The following FMN2 variants were observed in gnomAD, a reference collection of about 807,000 sequenced individuals.
The protein encoded by FMN2 is formin 2.
FMN2 carries 51 observed loss-of-function variants against 142.3 expected under a neutral mutation model. That is an observed-to-expected ratio of 0.36 (90% CI 0.29 to 0.45). FMN2 has a LOEUF of 0.45. Among genes scored for constraint, FMN2 ranks in the 20% least tolerant of loss-of-function variants. The pLI, the probability that FMN2 is intolerant of heterozygous loss-of-function variation, is 1.00. For missense variants in FMN2, 1,936 were observed against 2,122.8 expected (o/e 0.91, Z 1.73); for synonymous variants, 882 against 869.8 (o/e 1.01, Z -0.25).
chr1:240,209,396 G>A (rs769174483), intron 5 of FMN2, among the ~76,000 whole-genome samples: 13 of 151,328 alleles, frequency 8.6e-5, no homozygotes, highest in South Asian at 2.1e-4. Context: ...GACTACAGGC[G>A]CCCGCCACCA....
chr1:240,093,165 T>C lies in FMN2; in HGVS notation c.1056T>C (p.Asp352=). The change falls in exon 1 of 18, where the codon GAT becomes GAC. Residue 352 remains aspartate, a synonymous_variant. Transcript: ENST00000319653. ...ACACGGATGAGGAGGGTGAGGAGGATGCTTTTGAGGATGCGCCCCGGGGCT... is the reference window on the plus strand; with the variant it reads ...ACACGGATGAGGAGGGTGAGGAGGACGCTTTTGAGGATGCGCCCCGGGGCT... ...AGDTDEEGEE[D]AFEDAPRGSP... is the part of the protein sequence containing the mutation. 1 of 1,442,412 alleles carries C rather than the reference T, an allele frequency of 6.9e-7. No individual in the cohort carries two copies. The highest frequency in any genetic ancestry group is 9.1e-7 in the Non-Finnish European group (1 of 1,102,616). 89.4% of individuals were successfully genotyped at this position (1,442,412 alleles called of 1,614,324 possible).
At chr1:240,200,974 T>C (rs1293285095) in intron 4 of FMN2, among the ~76,000 whole-genome samples, 1 of 152,222 alleles carries the variant, frequency 6.6e-6, no homozygotes, top group East Asian at 1.9e-4. Context: ...ATTTGGAATT[T>C]TGTCCTCTTA....
At chr1:240,450,413 A>G (rs1347958347) in intron 16 of FMN2, among the ~76,000 whole-genome samples, 3 of 152,206 alleles carry the variant, frequency 2.0e-5, no homozygotes, top group African/African-American at 7.2e-5. Context: ...ATCTGTAATA[A>G]AACACCTAGG....
At chr1:240,378,176 G>T (rs1673108113) in intron 14 of FMN2, among the ~76,000 whole-genome samples, 2 of 151,076 alleles carry the variant, frequency 1.3e-5, no homozygotes, top group South Asian at 4.2e-4. Context: ...TTTAGACAGG[G>T]TTTCACTCTT....
At chr1:240,275,375 T>G (rs1285232856) in intron 7 of FMN2, among the ~76,000 whole-genome samples, 4 of 152,222 alleles carry the variant, frequency 2.6e-5, no homozygotes, top group Admixed American at 2.0e-4. Context: ...TTGCTGAGAA[T>G]GATGGTTTCC....
intron 15 of FMN2, among the ~76,000 whole-genome samples, chr1:240,406,840 A>C (rs1272610188): frequency 6.6e-6 from 1 of 152,194 alleles, no homozygotes; most frequent in Non-Finnish European, 1.5e-5. Flanking sequence ...ATGGAACATT[A>C]ACTTTTTGGG....
intron 8 of FMN2, among the ~76,000 whole-genome samples, chr1:240,318,907 G>A (rs549768296): frequency 2.6e-5 from 4 of 152,250 alleles, no homozygotes; most frequent in East Asian, 1.9e-4. Context: ...GGTGGGTGAC[G>A]AGTTTTCCAG....
intron 15 of FMN2, among the ~76,000 whole-genome samples, chr1:240,409,302 C>T (rs933739019): frequency 2.6e-5 from 4 of 152,040 alleles, no homozygotes; most frequent in African/African-American, 9.7e-5. Context: ...CCACCACGCC[C>T]AGTTAATTTT....
intron 2 of FMN2, among the ~76,000 whole-genome samples, chr1:240,157,274 CAATT>C (rs1244946823): frequency 2.0e-5 from 3 of 152,124 alleles, no homozygotes; most frequent in Non-Finnish European, 4.4e-5. Context: ...TAGTTGCTCA[CAATT>C]AATTACTCAA....
Position 240,443,688 on chromosome 1 carries a change from G to C in FMN2, c.5060+5478G>C, listed in dbSNP as rs1025279700. 3.3e-5 allele frequency among the ~76,000 whole-genome samples: 5 copies of C among 152,282 alleles called. No individual in the cohort carries two copies. The Middle Eastern group carries it at 0.014, about 414-fold the overall frequency. ...GAATTGCTTGAACCTGGGAGGCGTA[G>C]GGTGCAGTGAGCTGAGATCACGCCA... On this transcript the variant is annotated intron_variant, in intron 16 of 17. Transcript: ENST00000319653.
At chr1:240,454,496 C>G (rs896887571) in intron 16 of FMN2, among the ~76,000 whole-genome samples, 2 of 152,130 alleles carry the variant, frequency 1.3e-5, no homozygotes, top group African/African-American at 2.4e-5. Context: ...GAGCTGAGAT[C>G]GCACCACTGC....
chr1:240,413,748 C>T (rs1469379121), intron 15 of FMN2, among the ~76,000 whole-genome samples: 3 of 152,134 alleles, frequency 2.0e-5, no homozygotes, highest in Admixed American at 6.6e-5. Context: ...CCTGTAGATT[C>T]GGACTAGAAG....
At chr1:240,332,808 T>C (rs1374051795) in intron 11 of FMN2, among the ~76,000 whole-genome samples, 1 of 152,214 alleles carries the variant, frequency 6.6e-6, no homozygotes, top group Admixed American at 6.5e-5. Flanking sequence ...GACAGAGCTG[T>C]TACTTTGATC....
At chr1:240,353,522 T>A (rs961852472) in intron 13 of FMN2, among the ~76,000 whole-genome samples, 2 of 152,190 alleles carry the variant, frequency 1.3e-5, no homozygotes, top group African/African-American at 4.8e-5. Context: ...CAGGCACAAA[T>A]GGAAATAAGA....
intron 6 of FMN2, among the ~76,000 whole-genome samples, chr1:240,217,536 G>C (rs1666950783): frequency 6.6e-6 from 1 of 152,042 alleles, no homozygotes; most frequent in Non-Finnish European, 1.5e-5. Context: ...GCTTTTAATA[G>C]AATACATTCC....
chr1:240,454,563 A>G (rs1336077418), intron 16 of FMN2, among the ~76,000 whole-genome samples: 1 of 152,154 alleles, frequency 6.6e-6, no homozygotes, highest in Non-Finnish European at 1.5e-5. Context: ...ATAAATATAT[A>G]TGGCTTCCAA....
At chr1:240,162,098 C>G (rs1664303736) in intron 2 of FMN2, among the ~76,000 whole-genome samples, 1 of 150,984 alleles carries the variant, frequency 6.6e-6, no homozygotes, top group Non-Finnish European at 1.5e-5. Flanking sequence ...TACTCTAGCA[C>G]TCAAGCCTGG....
At chr1:240,308,362 G>A (rs2102983450) in intron 8 of FMN2, among the ~76,000 whole-genome samples, 1 of 152,270 alleles carries the variant, frequency 6.6e-6, no homozygotes, top group Middle Eastern at 3.4e-3. Flanking sequence ...TGAGTAAAAT[G>A]GGAAGTTAAC....
Position 240,114,656 on chromosome 1 carries a change from C to CTT in FMN2, c.1616-8506_1616-8505dup, listed in dbSNP as rs1219188121. Reference sequence around the variant, plus strand: ...TGGTGATTTTCTAATTATATCATTTCTTTTTTTTTTTTTTTTTTGAGACAG... The same window carrying CTT: ...TGGTGATTTTCTAATTATATCATTTCTTTTTTTTTTTTTTTTTTTTGAGACAG... On this transcript the variant is annotated intron_variant, in intron 1 of 17. Transcript: ENST00000319653. Among the ~76,000 whole-genome samples, 136 of 137,692 alleles carry CTT rather than the reference C, an allele frequency of 9.9e-4. 2 individuals carry two copies. Among genetic ancestry groups the CTT allele is most frequent in the African/African-American group, 3.4e-3 (122 of 35,832 alleles). 90.3% of individuals were successfully genotyped at this position (137,692 alleles called of 152,430 possible). A position where few individuals can be genotyped will look rare whatever the true frequency, so the allele number is the denominator to read the frequency against.
Sources: allele counts gnomAD v4.1 joint callset (sites outside exome capture counted in the v4.1 genomes callset), GRCh38; gene constraint gnomAD v4.1.1; transcripts MANE v1.5; gene names NCBI Gene and HGNC (gene_info 2026-07-23, HGNC 2026-07-21).